Variants in OSBPL9 observed in about 807,000 individuals in gnomAD.
OSBPL9 encodes the protein oxysterol-binding protein-related protein 9.
In OSBPL9, 40 loss-of-function variants were observed where a neutral mutation model predicts 106.6. That is an observed-to-expected ratio of 0.38 (90% CI 0.29 to 0.49). The LOEUF (loss-of-function observed/expected upper bound fraction) is 0.49. OSBPL9 is among the 20% of genes least tolerant of loss of function. OSBPL9 has a pLI of 0.97. For missense variants in OSBPL9, 609 were observed against 887.2 expected (o/e 0.69, Z 3.98); for synonymous variants, 269 against 295.4 (o/e 0.91, Z 0.92).
At chr1:51,709,860 C>A (rs1014982564) in intron 3 of OSBPL9, 1 of 152,286 alleles carries the variant, frequency 6.6e-6, no homozygotes, top group Non-Finnish European at 1.5e-5. Flanking sequence ...AGGGGCGAAG[C>A]CTCCTTCAAG....
chr1:51,748,687 T>C (rs1230919219), intron 7 of OSBPL9, among the ~76,000 whole-genome samples: 2 of 152,176 alleles, frequency 1.3e-5, no homozygotes, highest in African/African-American at 4.8e-5. Flanking sequence ...TATTTCATAT[T>C]TTAAAAAAAA....
intron 4 of OSBPL9, among the ~76,000 whole-genome samples, chr1:51,722,936 AAATGCCTAGGGTAAATATGATTTGATT>A (rs1662417151): frequency 6.6e-6 from 1 of 152,244 alleles, no homozygotes; most frequent in Non-Finnish European, 1.5e-5. Flanking sequence ...CTTGCTAGGC[AAATGCCTAGGGTAAATATGATTTGATT>A]AACTATAACA....
chr1:51,529,356 G>A, the OSBPL9 span, among the ~76,000 whole-genome samples: 1 of 151,810 alleles, frequency 6.6e-6, no homozygotes, highest in Non-Finnish European at 1.5e-5. Flanking sequence ...TCCTGCCTCA[G>A]CCTCCCGAGT....
chr1:51,644,345 G>C (rs1447258255), intron 1 of OSBPL9, among the ~76,000 whole-genome samples: 1 of 151,986 alleles, frequency 6.6e-6, no homozygotes, highest in Non-Finnish European at 1.5e-5. Context: ...TTTTGTTTTT[G>C]AGACGGAGTC....
intron 2 of OSBPL9, among the ~76,000 whole-genome samples, chr1:51,607,540 G>A (rs556173393): frequency 6.6e-6 from 1 of 152,248 alleles, no homozygotes; most frequent in East Asian, 1.9e-4. Context: ...GAATCATACT[G>A]TGTGTGTATA....
chr1:51,635,919 A>G (rs1004744139), intron 1 of OSBPL9, among the ~76,000 whole-genome samples: 12 of 152,070 alleles, frequency 7.9e-5, no homozygotes, highest in African/African-American at 2.4e-4. Flanking sequence ...AGTAAAGCCT[A>G]TCTTGAACTG....
the OSBPL9 span, among the ~76,000 whole-genome samples, chr1:51,526,871 A>C: frequency 1.3e-5 from 2 of 152,008 alleles, no homozygotes; most frequent in Admixed American, 1.3e-4. Flanking sequence ...CAGCCTCCTG[A>C]GTAGCTGGGA....
At chr1:51,712,089 C>T (rs1174609238) in intron 3 of OSBPL9, among the ~76,000 whole-genome samples, 11 of 152,042 alleles carry the variant, frequency 7.2e-5, no homozygotes, top group African/African-American at 2.2e-4. Context: ...TGTAGCGAGC[C>T]GAGATCACGC....
At chr1:51,784,910 C>T (rs1158161396) in intron 20 of OSBPL9, 3 of 305,082 alleles carry the variant, frequency 9.8e-6, no homozygotes, top group African/African-American at 6.6e-5. Context: ...ATGAGCTGGT[C>T]CTTACAGCAG....
chr1:51,634,920 A>T (rs765905095), intron 1 of OSBPL9, among the ~76,000 whole-genome samples: 1 of 152,206 alleles, frequency 6.6e-6, no homozygotes, highest in African/African-American at 2.4e-5. Flanking sequence ...ATATCTCATG[A>T]GACTTTTTCA....
At chr1:51,621,374 C>T (rs990633268) in intron 1 of OSBPL9, among the ~76,000 whole-genome samples, 8 of 152,024 alleles carry the variant, frequency 5.3e-5, no homozygotes, top group African/African-American at 1.9e-4. Context: ...CCAGTAATCC[C>T]AGCTACTTGG....
chr1:51,713,954 A>T (rs563006025), intron 3 of OSBPL9, 49 bp from the exon 4 acceptor site: 1 of 1,371,950 alleles, frequency 7.3e-7, no homozygotes. Context: ...ATATGGAGAT[A>T]TATTATAGAA....
intron 2 of OSBPL9, among the ~76,000 whole-genome samples, chr1:51,599,695 T>C (rs933081456): frequency 1.3e-5 from 2 of 152,196 alleles, no homozygotes; most frequent in Non-Finnish European, 2.9e-5. Context: ...ATGAAAAAAA[T>C]CCATGTGATA....
chr1:51,585,256 GA>G (rs1001491307), intron 1 of OSBPL9, among the ~76,000 whole-genome samples: 8 of 150,562 alleles, frequency 5.3e-5, no homozygotes, highest in Admixed American at 1.3e-4. Context: ...AATAATGCAA[GA>G]AAAAAAAATT....
intron 3 of OSBPL9, among the ~76,000 whole-genome samples, chr1:51,692,853 T>C (rs987708140): frequency 6.6e-6 from 1 of 151,944 alleles, no homozygotes; most frequent in African/African-American, 2.4e-5. Flanking sequence ...CTAAATGTCA[T>C]TGCAGTCCAT....
At chr1:51,719,254 TAGTC>T (rs1218126555) in intron 4 of OSBPL9, among the ~76,000 whole-genome samples, 5 of 152,194 alleles carry the variant, frequency 3.3e-5, no homozygotes, top group Non-Finnish European at 7.4e-5. Flanking sequence ...TGAATTCCAG[TAGTC>T]ATTCTAAATT....
At chr1:51,581,754 C>T (rs1046968335) in intron 1 of OSBPL9, among the ~76,000 whole-genome samples, 1 of 152,168 alleles carries the variant, frequency 6.6e-6, no homozygotes, top group Non-Finnish European at 1.5e-5. Context: ...CTCCTAGGCT[C>T]AAGGGATCCT....
chr1:51,557,706 T>C, the OSBPL9 span, among the ~76,000 whole-genome samples: 1 of 152,216 alleles, frequency 6.6e-6, no homozygotes, highest in Non-Finnish European at 1.5e-5. Context: ...AAATCAAGTC[T>C]CCTCGCTGAG....
At chr1:51,740,020 A>G in intron 4 of OSBPL9, 3 of 1,163,616 alleles carry the variant, frequency 2.6e-6, no homozygotes, top group Non-Finnish European at 3.6e-6. Flanking sequence ...CTTGCTGCTC[A>G]TGTACCTACT....
Sources: allele counts gnomAD v4.1 joint callset (sites outside exome capture counted in the v4.1 genomes callset), GRCh38; gene constraint gnomAD v4.1.1; transcripts MANE v1.5; gene names NCBI Gene and HGNC (gene_info 2026-07-23, HGNC 2026-07-21).